The following ZNF280D variants were observed in gnomAD, a reference collection of about 807,000 sequenced individuals.
ZNF280D encodes the protein zinc finger protein 280D, also known as suppressor of hairy wing homolog 4.
In ZNF280D, 39 loss-of-function variants were observed where a neutral mutation model predicts 94.7. The observed-to-expected ratio is 0.41, with a 90% confidence interval of 0.32 to 0.54. The LOEUF is 0.54. ZNF280D is among the 20% of genes least tolerant of loss of function. The pLI is 0.22. For missense variants in ZNF280D, 1,090 were observed against 1,149.3 expected (o/e 0.95, Z 0.75); for synonymous variants, 398 against 377.6 (o/e 1.05, Z -0.63).
intron 1 of ZNF280D, among the ~76,000 whole-genome samples, chr15:56,722,138 A>G (rs2058401016): frequency 6.6e-6 from 1 of 152,214 alleles, no homozygotes; most frequent in Non-Finnish European, 1.5e-5. Context: ...AAACACACAC[A>G]TTATTATATA....
chr15:56,631,442 TAGC>T lies in ZNF280D; in HGVS notation c.*53_*55del. ...CAACAGCACCACTGAGCTCACCTGA[TAGC>T]ACTGTTCCAAATGCCCTTATCGTTG... is the stretch of plus-strand genomic sequence containing the variant. On this transcript the variant is annotated 3_prime_UTR_variant, in exon 22 of 22. Coordinates refer to ENST00000267807, the MANE Select transcript of ZNF280D (RefSeq NM_017661.4). 1 of 1,573,984 alleles carries T rather than the reference TAGC, an allele frequency of 6.4e-7. No individual in the cohort carries two copies. The highest frequency in any genetic ancestry group is 1.2e-5 in the South Asian group (1 of 84,170).
chr15:56,660,013 T>A lies in ZNF280D; in HGVS notation c.1995-1527A>T, dbSNP rs545926394. Reference sequence around the variant, plus strand: ...CACTAGCTATAATCCCCAGAAAATATCCTCAGATTTCTAATAGTCATTTCT... The same window carrying A: ...CACTAGCTATAATCCCCAGAAAATAACCTCAGATTTCTAATAGTCATTTCT... On this transcript the variant is annotated intron_variant, in intron 16 of 21. Coordinates refer to ENST00000267807, the MANE Select transcript of ZNF280D (RefSeq NM_017661.4). Among the ~76,000 whole-genome samples, 40 of 152,160 alleles carry A rather than the reference T, an allele frequency of 2.6e-4. No individual in the cohort carries two copies. The South Asian group carries it at 7.5e-3, about 28-fold the overall frequency.
chr15:56,649,708 G>A (rs998361789), intron 19 of ZNF280D, among the ~76,000 whole-genome samples: 3 of 151,672 alleles, frequency 2.0e-5, no homozygotes, highest in Non-Finnish European at 4.4e-5. Context: ...TATGACCAGA[G>A]CCAATAATTC....
At chr15:56,687,203 A>G (rs2056084841) in intron 9 of ZNF280D, among the ~76,000 whole-genome samples, 2 of 152,120 alleles carry the variant, frequency 1.3e-5, no homozygotes, top group Admixed American at 1.3e-4. Flanking sequence ...TATTATCTTC[A>G]ACTTAGTTCA....
intron 15 of ZNF280D, 61 bp from the exon 16 acceptor site, chr15:56,666,596 G>A (rs368187224): frequency 6.6e-7 from 1 of 1,518,882 alleles, no homozygotes; most frequent in South Asian, 1.3e-5. Flanking sequence ...ATAAGGAAGA[G>A]CCTTAATAAT....
intron 1 of ZNF280D, among the ~76,000 whole-genome samples, chr15:56,725,460 A>G: frequency 6.6e-6 from 1 of 152,248 alleles, no homozygotes; most frequent in East Asian, 1.9e-4. Context: ...AAAAATTTAA[A>G]GAGTGGTATT....
chr15:56,730,669 T>C (rs901344527), intron 1 of ZNF280D: 1 of 152,380 alleles, frequency 6.6e-6, no homozygotes, highest in East Asian at 1.9e-4. Context: ...TTCTGCCTCC[T>C]CTCTCCTAGT....
intron 16 of ZNF280D, among the ~76,000 whole-genome samples, chr15:56,660,180 A>G (rs1332061269): frequency 3.3e-5 from 5 of 152,164 alleles, no homozygotes; most frequent in African/African-American, 1.2e-4. Context: ...ATATTTCCTC[A>G]GAGAAATAAG....
At position 56,689,114 on chromosome 15, in the gene ZNF280D, G is replaced by T; in HGVS notation, c.707C>A (p.Thr236Lys). ...CTTTGGACAAGCTCTTGGAAAAGGTGTTCCATTTTTAGACTGATTTGATGA... is the reference window on the plus strand; with the variant it reads ...CTTTGGACAAGCTCTTGGAAAAGGTTTTCCATTTTTAGACTGATTTGATGA... ...NTSSNQSKNG[T>K]PFPRACPKCN... Residue 236 changes from threonine (T) to lysine (K), a missense_variant, in exon 9 of 22, where the codon ACA becomes AAA. Transcript: ENST00000267807. 6.2e-7 allele frequency: 1 copy of T among 1,610,706 alleles called. No homozygotes were observed.
intron 9 of ZNF280D, among the ~76,000 whole-genome samples, chr15:56,682,867 A>G (rs1217935903): frequency 1.3e-5 from 2 of 152,110 alleles, no homozygotes; most frequent in Non-Finnish European, 2.9e-5. Context: ...CTTGATGTAT[A>G]TATTTAATTA....
chr15:56,715,720 A>C (rs1254631266), intron 1 of ZNF280D, among the ~76,000 whole-genome samples: 5 of 149,828 alleles, frequency 3.3e-5, no homozygotes, highest in Admixed American at 2.0e-4. Context: ...GTATTTGCCC[A>C]AAAAAAAAAT....
intron 19 of ZNF280D, 154 bp downstream of exon 19, chr15:56,654,044 G>C (rs1466451006): frequency 1.3e-6 from 2 of 1,492,230 alleles, no homozygotes; most frequent in Middle Eastern, 2.5e-4. Flanking sequence ...GAGCTCCATA[G>C]AGCAGGAACC....
chr15:56,689,316 C>T lies in ZNF280D; in HGVS notation c.654G>A (p.Gln218=), dbSNP rs753931533. Residue 218 remains glutamine (Q), a synonymous_variant, in exon 8 of 22, where the codon CAG becomes CAA. Coordinates refer to ENST00000267807, the MANE Select transcript of ZNF280D (RefSeq NM_017661.4). ...CATATTTACCTTTTGCTAGCATAGC[C>T]TGGGAAGAAGTCACTGAAGGAGATT... ...SVKSPSVTSS[Q]AMLAKGTNTS... The T allele has an allele frequency of 1.2e-6, 2 of 1,600,158 alleles. No individual in the cohort carries two copies. Among genetic ancestry groups the T allele is most frequent in the African/African-American group, 1.3e-5 (1 of 74,320 alleles).
intron 20 of ZNF280D, among the ~76,000 whole-genome samples, chr15:56,636,413 C>T (rs1015677280): frequency 6.6e-6 from 1 of 151,968 alleles, no homozygotes; most frequent in Non-Finnish European, 1.5e-5. Flanking sequence ...ATGCTCCTTC[C>T]CCGCAACTTA....
At chr15:56,661,730 T>C (rs748340901) in intron 16 of ZNF280D, among the ~76,000 whole-genome samples, 43 of 152,308 alleles carry the variant, frequency 2.8e-4, no homozygotes, top group Non-Finnish European at 4.9e-4. Flanking sequence ...GGTAAATTTA[T>C]TTCCCCTTCT....
At chr15:56,697,558 C>T (rs1243916203) in intron 6 of ZNF280D, among the ~76,000 whole-genome samples, 11 of 152,168 alleles carry the variant, frequency 7.2e-5, no homozygotes, top group African/African-American at 2.7e-4. Context: ...ACTCAGCAGT[C>T]TCCCTTATTG....
intron 6 of ZNF280D, among the ~76,000 whole-genome samples, 161 bp from the exon 7 acceptor site, chr15:56,693,376 G>T (rs1227464011): frequency 2.0e-5 from 3 of 151,524 alleles, no homozygotes; most frequent in Non-Finnish European, 2.9e-5. Context: ...GAAACCCTTT[G>T]ATAACTCAAT....
intron 7 of ZNF280D, 75 bp downstream of exon 7, chr15:56,693,023 A>T (rs1300387889): frequency 4.6e-6 from 4 of 873,636 alleles, no homozygotes; most frequent in Non-Finnish European, 7.3e-6. Flanking sequence ...GGACTTCAAA[A>T]CAGAAAGTCA....
intron 1 of ZNF280D, among the ~76,000 whole-genome samples, chr15:56,721,481 G>GA (rs1312070860): frequency 6.6e-6 from 1 of 152,152 alleles, no homozygotes; most frequent in Non-Finnish European, 1.5e-5. Context: ...AATCTATATA[G>GA]AAAATCTATT....
Sources: allele counts gnomAD v4.1 joint callset (sites outside exome capture counted in the v4.1 genomes callset), GRCh38; gene constraint gnomAD v4.1.1; transcripts MANE v1.5; gene names NCBI Gene and HGNC (gene_info 2026-07-23, HGNC 2026-07-21).